Variants in BRAP observed in about 807,000 individuals in gnomAD.
The protein encoded by BRAP is BRCA1 associated protein.
Under a neutral mutation model 73.4 loss-of-function variants are expected in BRAP, and 42 were observed. That is an observed-to-expected ratio of 0.57 (90% CI 0.45 to 0.74). The LOEUF is 0.74. Ranked by LOEUF, BRAP falls within the 30% of genes least tolerant of loss-of-function variation. The pLI, the probability that BRAP is intolerant of heterozygous loss-of-function variation, is 0.00. For synonymous variants in BRAP, 255 were observed against 267.4 expected, an observed-to-expected ratio of 0.95 and a Z score of 0.45; for missense variants, 593 against 751.4, an observed-to-expected ratio of 0.79 and a Z score of 2.46.
intron 10 of BRAP, among the ~76,000 whole-genome samples, chr12:111,653,570 C>T (rs1215183628): frequency 1.3e-5 from 2 of 152,142 alleles, no homozygotes; most frequent in Non-Finnish European, 2.9e-5. Context: ...AATAACGGCA[C>T]TACCTAAGGC....
Position 111,685,897 on chromosome 12 carries a change from TGC to T in BRAP, c.-107_-106del, listed in dbSNP as rs2135936262. On this transcript the variant is annotated 5_prime_UTR_variant, in exon 1 of 12. Coordinates refer to ENST00000419234, the MANE Select transcript of BRAP (RefSeq NM_006768.5). ...GCCGGCAGCGCCGCCACCACCTCAA[TGC>T]AGTTGCCGCCGCCTCAGCAGCAGCA... 1 of 665,244 alleles carries T rather than the reference TGC, an allele frequency of 1.5e-6. No homozygotes were observed. Among genetic ancestry groups the T allele is most frequent in the South Asian group, 3.9e-5 (1 of 25,558 alleles). 41.2% of individuals were successfully genotyped at this position (665,244 alleles called of 1,614,324 possible). A position where few individuals can be genotyped will look rare whatever the true frequency, so the allele number is the denominator to read the frequency against.
intron 4 of BRAP, chr12:111,673,116 G>A (rs970820150): frequency 1.4e-5 from 3 of 217,668 alleles, no homozygotes; most frequent in Non-Finnish European, 2.7e-5. Flanking sequence ...TTTCCCTCTA[G>A]TCATCACTTG....
intron 11 of BRAP, among the ~76,000 whole-genome samples, chr12:111,648,919 C>G (rs1440084473): frequency 6.6e-6 from 1 of 151,848 alleles, no homozygotes; most frequent in African/African-American, 2.4e-5. Flanking sequence ...GAGCGAGACT[C>G]CGTTTCAAGA....
rs1364713440 is a variant in BRAP, at chr12:111,643,439, G to T, written c.*760C>A. ...CTAGGATACCCACTCTGAGATTTGA[G>T]TTTGGGAACAGCCATTAAGCCTCCT... On this transcript the variant is annotated 3_prime_UTR_variant, in exon 12 of 12. Coordinates refer to ENST00000419234, the MANE Select transcript of BRAP (RefSeq NM_006768.5). The T allele has an allele frequency of 6.6e-6, 1 of 152,158 alleles. No homozygotes were observed. Among genetic ancestry groups the T allele is most frequent in the Non-Finnish European group, 1.5e-5 (1 of 68,026 alleles). The allele number at this position is 152,158 out of a possible 1,614,324, so 9.4% of individuals were successfully genotyped here.
At chr12:111,679,798 A>G (rs952300021) in intron 3 of BRAP, among the ~76,000 whole-genome samples, 1 of 148,468 alleles carries the variant, frequency 6.7e-6, no homozygotes, top group African/African-American at 2.5e-5. Flanking sequence ...AATGGTGTGA[A>G]CCTGGGAGGC....
intron 5 of BRAP, chr12:111,670,001 T>C: frequency 1.5e-6 from 1 of 647,718 alleles, no homozygotes; most frequent in Non-Finnish European, 2.9e-6. Flanking sequence ...CATCTTCATC[T>C]TTGCTTCTGG....
chr12:111,658,330 C>T (rs1435952650), intron 9 of BRAP, among the ~76,000 whole-genome samples: 3 of 149,944 alleles, frequency 2.0e-5, no homozygotes, highest in African/African-American at 7.4e-5. Flanking sequence ...GACAGAGTTT[C>T]GCTCTTGTTG....
intron 10 of BRAP, among the ~76,000 whole-genome samples, chr12:111,653,269 T>C (rs562951418): frequency 6.6e-6 from 1 of 152,276 alleles, no homozygotes; most frequent in Admixed American, 6.5e-5. Context: ...AAAAGTGAAA[T>C]GAGTTTCACA....
intron 9 of BRAP, among the ~76,000 whole-genome samples, 165 bp from the exon 10 acceptor site, chr12:111,655,820 G>A (rs565934538): frequency 1.3e-5 from 2 of 152,232 alleles, no homozygotes; most frequent in East Asian, 1.9e-4. Flanking sequence ...TGGACCAGGG[G>A]ACACAAATGA....
At chr12:111,654,623 G>A (rs1020810165) in intron 10 of BRAP, among the ~76,000 whole-genome samples, 1 of 152,140 alleles carries the variant, frequency 6.6e-6, no homozygotes, top group Non-Finnish European at 1.5e-5. Flanking sequence ...GCCTAAAGCT[G>A]ATGTTAAGCA....
At chr12:111,659,077 A>G (rs1370739136) in intron 8 of BRAP, 130 bp downstream of exon 8, 1 of 1,167,638 alleles carries the variant, frequency 8.6e-7, no homozygotes, top group Non-Finnish European at 1.2e-6. Flanking sequence ...GCCCTCAGGG[A>G]AACTGAGAAT....
At position 111,644,218 on chromosome 12, in the gene BRAP, C is replaced by T. The variant is rs150778696; in HGVS notation, c.1760G>A (p.Arg587His). Residue 587 changes from arginine (R) to histidine (H), a missense_variant, in exon 12 of 12, where the codon CGC becomes CAC. Arg to His is a conservative substitution (Grantham distance 29). Around this residue, in one of 4 missense-constraint regions of BRAP, gnomAD observed 79 missense variants for 65.3 expected, o/e 1.21. Coordinates refer to ENST00000419234, the MANE Select transcript of BRAP (RefSeq NM_006768.5). ...TGAAGGTCACTTGCCCCTCTTGCTGCGGCCCTTCCTGGAGGGCAACTTCCC... is the reference window on the plus strand; with the variant it reads ...TGAAGGTCACTTGCCCCTCTTGCTGTGGCCCTTCCTGGAGGGCAACTTCCC... ...GSGKLPSRKG[R>H]SKRGK 69 of 1,611,642 alleles carry T rather than the reference C, an allele frequency of 4.3e-5. No homozygotes were observed. Among genetic ancestry groups the T allele is most frequent in the Middle Eastern group, 1.7e-4 (1 of 6,018 alleles).
chr12:111,651,784 C>G (rs1171790365), intron 10 of BRAP, among the ~76,000 whole-genome samples: 1 of 151,298 alleles, frequency 6.6e-6, no homozygotes, highest in Admixed American at 6.6e-5. Context: ...ACTACAGGTG[C>G]ATGCCACCAC....
chr12:111,647,295 CATT>C (rs369116529), intron 11 of BRAP, among the ~76,000 whole-genome samples: 137 of 152,218 alleles, frequency 9.0e-4, no homozygotes, highest in Non-Finnish European at 1.0e-3. Context: ...CAACAGAAAT[CATT>C]ATAGTACATC....
At chr12:111,657,850 G>C (rs1187424530) in intron 9 of BRAP, among the ~76,000 whole-genome samples, 5 of 152,110 alleles carry the variant, frequency 3.3e-5, no homozygotes. Context: ...CTGTACTCTA[G>C]CCTGTAGCTA....
rs532430227 is a variant in BRAP, at chr12:111,662,239, G to A, written c.897-1564C>T. Among the ~76,000 whole-genome samples, 446 of 152,284 alleles carry A rather than the reference G, an allele frequency of 2.9e-3. 2 individuals are homozygous for A. Among genetic ancestry groups the A allele is most frequent in the Non-Finnish European group, 4.8e-3 (326 of 68,026 alleles). On this transcript the variant is annotated intron_variant, in intron 6 of 11. Coordinates refer to ENST00000419234, the MANE Select transcript of BRAP (RefSeq NM_006768.5). Reference sequence around the variant, plus strand: ...GCTGAGGCTGACTGAACTGGCACCAGGAAGAAACAATGCTCAAGATATAAC... The same window carrying A: ...GCTGAGGCTGACTGAACTGGCACCAAGAAGAAACAATGCTCAAGATATAAC...
chr12:111,668,928 C>T (rs1337408829), intron 5 of BRAP, among the ~76,000 whole-genome samples: 2 of 152,146 alleles, frequency 1.3e-5, no homozygotes, highest in Admixed American at 1.3e-4. Flanking sequence ...GCTGGGATTA[C>T]AGGCGTGAGC....
intron 9 of BRAP, among the ~76,000 whole-genome samples, chr12:111,657,104 C>T (rs1592974960): frequency 6.6e-6 from 1 of 151,738 alleles, no homozygotes; most frequent in Non-Finnish European, 1.5e-5. Flanking sequence ...AGTGCAATGG[C>T]GCCATCTGGG....
intron 2 of BRAP, among the ~76,000 whole-genome samples, chr12:111,682,645 C>G (rs996945417): frequency 1.4e-4 from 22 of 152,118 alleles, no homozygotes; most frequent in Non-Finnish European, 1.9e-4. Context: ...GGTGTGGTGG[C>G]TCACACCTGT....
Sources: allele counts gnomAD v4.1 joint callset (sites outside exome capture counted in the v4.1 genomes callset), GRCh38; gene constraint gnomAD v4.1.1; regional missense constraint gnomAD v4.1.1; transcripts MANE v1.5; gene names NCBI Gene and HGNC (gene_info 2026-07-23, HGNC 2026-07-21).